Variants in RBFOX1 observed in about 807,000 individuals in gnomAD.
RBFOX1 encodes the protein RNA binding fox-1 homolog 1.
A neutral mutation model predicts 57.7 loss-of-function variants in RBFOX1; 8 were observed. The ratio of observed to expected loss-of-function variants is 0.14; its 90% CI spans 0.08 to 0.25. The LOEUF (loss-of-function observed/expected upper bound fraction) is 0.25. Among genes scored for constraint, RBFOX1 ranks in the 10% least tolerant of loss-of-function variants. The pLI, the probability that RBFOX1 is intolerant of heterozygous loss-of-function variation, is 1.00. For missense variants in RBFOX1, 611 were observed against 548.5 expected, an observed-to-expected ratio of 1.11 and a Z score of -1.14; for synonymous variants, 326 against 222.4, an observed-to-expected ratio of 1.47 and a Z score of -4.15.
intron 2 of RBFOX1, among the ~76,000 whole-genome samples, chr16:6,506,649 T>TGAGA (rs1567484372): frequency 2.7e-5 from 2 of 73,480 alleles, no homozygotes; most frequent in Non-Finnish European, 2.8e-5. Flanking sequence ...TTTTTTTTTT[T>TGAGA]TTTTTTTTTT....
At chr16:7,388,712 G>T (rs1301221239) in intron 4 of RBFOX1, among the ~76,000 whole-genome samples, 5 of 113,030 alleles carry the variant, frequency 4.4e-5, no homozygotes, top group African/African-American at 7.3e-5. Context: ...TTTCACATTT[G>T]GTATGGTATT....
At chr16:6,521,064 T>C (rs1213312710) in intron 2 of RBFOX1, among the ~76,000 whole-genome samples, 3 of 152,102 alleles carry the variant, frequency 2.0e-5, no homozygotes, top group African/African-American at 7.2e-5. Context: ...AATCAAGCAA[T>C]TCCACGCACA....
intron 1 of RBFOX1, among the ~76,000 whole-genome samples, chr16:5,316,645 TG>T (rs2064246615): frequency 1.3e-5 from 2 of 152,230 alleles, no homozygotes; most frequent in Non-Finnish European, 2.9e-5. Context: ...TTGTTGATTT[TG>T]GGTGTCAACT....
chr16:6,663,678 A>T (rs967192445), intron 3 of RBFOX1, among the ~76,000 whole-genome samples: 1 of 152,228 alleles, frequency 6.6e-6, no homozygotes, highest in East Asian at 1.9e-4. Flanking sequence ...TTCTGTTTCC[A>T]ATGTCCTTTG....
chr16:5,947,462 T>C lies in RBFOX1; in HGVS notation c.351+80127T>C, dbSNP rs2152272469. Among the ~76,000 whole-genome samples, 1 of 152,304 alleles carries C rather than the reference T, an allele frequency of 6.6e-6. No homozygotes were observed. Among genetic ancestry groups the C allele is most frequent in the East Asian group, 1.9e-4 (1 of 5,180 alleles). On this transcript the variant is annotated intron_variant, in intron 4 of 19. Transcript: ENST00000641259. The surrounding 1 kb of genome is among the most constrained non-coding windows in gnomAD (Gnocchi z 7.2). ...GGCTCACTACAGCCTCGAAATCTTG[T>C]GCTCAAGCCATTTTCCTGCCTCTGC...
intron 3 of RBFOX1, among the ~76,000 whole-genome samples, chr16:6,861,517 GC>G (rs1471085890): frequency 3.3e-5 from 4 of 122,002 alleles, no homozygotes; most frequent in Non-Finnish European, 6.6e-5. Flanking sequence ...AAGAATAATT[GC>G]TTCAACTCTC....
At chr16:6,560,752 T>A (rs1192053447) in intron 2 of RBFOX1, among the ~76,000 whole-genome samples, 1 of 152,198 alleles carries the variant, frequency 6.6e-6, no homozygotes, top group Admixed American at 6.5e-5. Context: ...CTTGTGTGAT[T>A]ATGTGGTTGA....
chr16:7,065,274 C>A (rs954425954), intron 4 of RBFOX1, among the ~76,000 whole-genome samples: 1 of 152,020 alleles, frequency 6.6e-6, no homozygotes, highest in African/African-American at 2.4e-5. Context: ...AGAAGGTGCC[C>A]GTGTGGTCCT....
intron 2 of RBFOX1, among the ~76,000 whole-genome samples, chr16:6,581,181 C>A (rs1293613952): frequency 1.3e-5 from 2 of 152,136 alleles, no homozygotes; most frequent in East Asian, 3.9e-4. Context: ...ACGCCCACCC[C>A]TAATGAAGCA....
chr16:7,467,987 A>G (rs2060836645), intron 4 of RBFOX1, among the ~76,000 whole-genome samples: 3 of 152,242 alleles, frequency 2.0e-5, no homozygotes, highest in Admixed American at 2.0e-4. Context: ...TGAATCCAAT[A>G]CATTCACTGC....
intron 4 of RBFOX1, among the ~76,000 whole-genome samples, chr16:7,294,291 C>G (rs1387598093): frequency 6.6e-6 from 1 of 152,134 alleles, no homozygotes. Context: ...CTCCCACCCT[C>G]TCAACTGCCA....
chr16:5,366,056 C>G, intron 1 of RBFOX1: 1 of 473,052 alleles, frequency 2.1e-6, no homozygotes, highest in East Asian at 5.4e-5. Flanking sequence ...GCAATGGTTT[C>G]CCTTGGGGCT....
intron 1 of RBFOX1, among the ~76,000 whole-genome samples, chr16:6,151,987 A>G (rs940727678): frequency 1.3e-5 from 2 of 152,208 alleles, no homozygotes; most frequent in Non-Finnish European, 2.9e-5. Context: ...TACTCTTGCA[A>G]TGTGAATAGC....
chr16:5,413,792 G>A lies in RBFOX1; in HGVS notation c.220-53424G>A, dbSNP rs768987028. Among the ~76,000 whole-genome samples, 58 of 152,128 alleles carry A rather than the reference G, an allele frequency of 3.8e-4. 1 individual carries two copies. Among genetic ancestry groups the A allele is most frequent in the South Asian group, 2.1e-4 (1 of 4,832 alleles). On this transcript the variant is annotated intron_variant, in intron 1 of 2. Coordinates refer to the RBFOX1 transcript ENST00000585867. Reference sequence around the variant, plus strand: ...TACGAAAAGAGTCCTAAAGGAGACCGGTAGGGGTGAGGTGTGGAGGGTAAT... The same window carrying A: ...TACGAAAAGAGTCCTAAAGGAGACCAGTAGGGGTGAGGTGTGGAGGGTAAT...
At chr16:6,191,511 C>T (rs111467738) in intron 1 of RBFOX1, among the ~76,000 whole-genome samples, 3,545 of 152,106 alleles carry the variant, frequency 0.023, 132 homozygotes, top group African/African-American at 0.08. Context: ...TTACAACTGC[C>T]GTGTATCTCA....
chr16:5,386,504 C>G (rs972362626), intron 1 of RBFOX1, among the ~76,000 whole-genome samples: 5 of 152,134 alleles, frequency 3.3e-5, no homozygotes, highest in Admixed American at 6.5e-5. Flanking sequence ...GCTTTCCCCC[C>G]GTAAATCACC....
chr16:6,582,939 C>A (rs1342373403), intron 2 of RBFOX1, among the ~76,000 whole-genome samples: 2 of 151,864 alleles, frequency 1.3e-5, no homozygotes, highest in East Asian at 3.9e-4. Flanking sequence ...CCTCCCCTCC[C>A]CTCCTCTTTT....
In RBFOX1 at chr16:5,654,637, C is replaced by A. The variant is rs147708316; in HGVS notation, c.318+55676C>A. Among the ~76,000 whole-genome samples, 789 of 152,294 alleles carry A rather than the reference C, an allele frequency of 5.2e-3. 4 individuals carry two copies. The highest frequency in any genetic ancestry group is 0.018 in the African/African-American group (740 of 41,576). ...CCACTGAGCCTCCCAAAGCCTCAAG[C>A]CCTTTCGCATCTCATTCACAACCTG... On this transcript the variant is annotated intron_variant, in intron 3 of 19. Transcript: ENST00000641259.
At chr16:6,911,909 A>G (rs2071715848) in intron 3 of RBFOX1, among the ~76,000 whole-genome samples, 1 of 152,212 alleles carries the variant, frequency 6.6e-6, no homozygotes, top group Admixed American at 6.5e-5. Context: ...GTGGCCAAAT[A>G]TAGAAGACAC....
Sources: gnomAD v4.1 joint callset for allele counts (sites outside exome capture counted in the v4.1 genomes callset) on GRCh38, gnomAD v4.1.1 for gene constraint, Gnocchi (gnomAD v3.1) non-coding constraint, MANE v1.5 for transcripts, NCBI Gene and HGNC (gene_info 2026-07-23, HGNC 2026-07-21) for gene names.